DLG2: variants seen among roughly 807,000 people sequenced by gnomAD.
DLG2 encodes the protein discs large MAGUK scaffold protein 2.
DLG2 carries 45 observed loss-of-function variants against 132.5 expected under a neutral mutation model. The ratio of observed to expected loss-of-function variants is 0.34; its 90% confidence interval spans 0.27 to 0.44. DLG2 has a LOEUF of 0.44. Ranked by LOEUF, DLG2 falls within the 20% of genes least tolerant of loss-of-function variation. The pLI, the probability that DLG2 is intolerant of heterozygous loss-of-function variation, is 1.00. For synonymous variants in DLG2, 424 were observed against 419.6 expected (o/e 1.01, Z -0.13); for missense variants, 1,045 against 1,196.9 (o/e 0.87, Z 1.87).
At chr11:84,509,516 G>A (rs1036231648) in intron 7 of DLG2, among the ~76,000 whole-genome samples, 6 of 152,126 alleles carry the variant, frequency 3.9e-5, no homozygotes, top group African/African-American at 1.4e-4. Flanking sequence ...CATGGCAAGT[G>A]AAATTACCAC....
intron 3 of DLG2, among the ~76,000 whole-genome samples, chr11:85,324,693 G>A (rs1255622415): frequency 1.3e-5 from 2 of 152,302 alleles, no homozygotes; most frequent in South Asian, 2.1e-4. Context: ...GAAGAATTCA[G>A]GACCAAAAGA....
At chr11:84,396,796 C>T (rs2154444431) in intron 7 of DLG2, among the ~76,000 whole-genome samples, 1 of 152,284 alleles carries the variant, frequency 6.6e-6, no homozygotes, top group South Asian at 2.1e-4. Context: ...CCCTCACCCC[C>T]ACAAAATGGA....
At chr11:84,698,473 T>C (rs1331030220) in intron 6 of DLG2, among the ~76,000 whole-genome samples, 1 of 151,540 alleles carries the variant, frequency 6.6e-6, no homozygotes, top group Non-Finnish European at 1.5e-5. Context: ...AGAACAAAGA[T>C]TCAAACATCT....
chr11:83,468,804 A>G (rs1310391956), intron 25 of DLG2, among the ~76,000 whole-genome samples: 2 of 152,132 alleles, frequency 1.3e-5, no homozygotes, highest in African/African-American at 4.8e-5. Context: ...CTTCTCATCT[A>G]TCTTCTCTTC....
intron 6 of DLG2, among the ~76,000 whole-genome samples, chr11:84,703,289 A>G (rs1039302488): frequency 2.6e-5 from 4 of 151,602 alleles, no homozygotes; most frequent in African/African-American, 7.3e-5. Context: ...CATGGTTTCC[A>G]TTGTGTCTAC....
chr11:83,625,334 T>C (rs1017316120), intron 19 of DLG2, among the ~76,000 whole-genome samples: 19 of 152,208 alleles, frequency 1.2e-4, no homozygotes, highest in Non-Finnish European at 2.9e-5. Flanking sequence ...CTTGTACCAC[T>C]GGAGTGAAGA....
intron 6 of DLG2, among the ~76,000 whole-genome samples, chr11:84,554,235 A>G (rs2154524778): frequency 6.6e-6 from 1 of 152,202 alleles, no homozygotes; most frequent in East Asian, 1.9e-4. Context: ...AAAATTAACA[A>G]TCACAGTGAA....
intron 6 of DLG2, among the ~76,000 whole-genome samples, chr11:84,729,396 G>A (rs2062878883): frequency 6.6e-6 from 1 of 152,138 alleles, no homozygotes; most frequent in East Asian, 1.9e-4. Flanking sequence ...TTTTGAGTGA[G>A]TTTCTTAATC....
chr11:85,612,001 G>A (rs2081041368), intron 2 of DLG2, among the ~76,000 whole-genome samples: 1 of 152,004 alleles, frequency 6.6e-6, no homozygotes, highest in Non-Finnish European at 1.5e-5. Flanking sequence ...AGACAGAGAG[G>A]AAGAGACTGA....
intron 7 of DLG2, among the ~76,000 whole-genome samples, chr11:84,329,153 C>T (rs1357348230): frequency 2.0e-5 from 3 of 152,148 alleles, no homozygotes; most frequent in Non-Finnish European, 2.9e-5. Flanking sequence ...ATTACTAGAT[C>T]GTAAGCTCTT....
upstream of DLG2, among the ~76,000 whole-genome samples, chr11:85,628,244 C>G (rs573794286): frequency 2.0e-5 from 3 of 152,332 alleles, no homozygotes; most frequent in South Asian, 2.1e-4. Context: ...AAGGGGCAGG[C>G]AGCTAGTTCC....
chr11:85,116,395 T>G (rs902095436), intron 5 of DLG2, among the ~76,000 whole-genome samples: 2 of 151,848 alleles, frequency 1.3e-5, no homozygotes, highest in African/African-American at 4.8e-5. Context: ...TTTCTAAATA[T>G]AGAGATATAA....
At chr11:84,598,579 T>C (rs1434822058) in intron 6 of DLG2, among the ~76,000 whole-genome samples, 1 of 152,152 alleles carries the variant, frequency 6.6e-6, no homozygotes, top group Non-Finnish European at 1.5e-5. Flanking sequence ...AATATCAGTG[T>C]ATGAAAGGAA....
At chr11:84,368,072 C>T (rs975093172) in intron 7 of DLG2, among the ~76,000 whole-genome samples, 4 of 152,106 alleles carry the variant, frequency 2.6e-5, no homozygotes, top group South Asian at 2.1e-4. Context: ...ATCTCCAATG[C>T]TGTTTTGTGC....
chr11:83,657,969 A>C (rs557306426), intron 18 of DLG2, among the ~76,000 whole-genome samples: 3 of 152,228 alleles, frequency 2.0e-5, no homozygotes, highest in Non-Finnish European at 4.4e-5. Context: ...ACATGGCTGC[A>C]GAGGAAGGAA....
intron 3 of DLG2, among the ~76,000 whole-genome samples, chr11:85,572,078 C>T (rs2077875334): frequency 1.3e-5 from 2 of 152,110 alleles, no homozygotes; most frequent in South Asian, 4.1e-4. Context: ...ACAAAGTGCT[C>T]TTCTAATCGC....
At chr11:84,986,080 A>C (rs1280640000) in intron 6 of DLG2, among the ~76,000 whole-genome samples, 1 of 151,492 alleles carries the variant, frequency 6.6e-6, no homozygotes, top group Admixed American at 6.6e-5. Context: ...AAAAGAAGAG[A>C]TAAAAATCCT....
intron 3 of DLG2, among the ~76,000 whole-genome samples, chr11:85,465,104 A>C (rs1245630617): frequency 7.3e-6 from 1 of 137,914 alleles, no homozygotes; most frequent in Non-Finnish European, 1.5e-5. Context: ...AAAAAAAAAA[A>C]AAAAAAAAAA....
At chr11:84,018,776 A>G (rs2095298226) in intron 11 of DLG2, among the ~76,000 whole-genome samples, 1 of 152,014 alleles carries the variant, frequency 6.6e-6, no homozygotes, top group Non-Finnish European at 1.5e-5. Context: ...TCTTCAGCAG[A>G]TAAACTATAA....
Sources: allele counts gnomAD v4.1 joint callset (sites outside exome capture counted in the v4.1 genomes callset), GRCh38; gene constraint gnomAD v4.1.1; transcripts MANE v1.5; gene names NCBI Gene and HGNC (gene_info 2026-07-23, HGNC 2026-07-21).